IL1RAPL2: variants seen among roughly 807,000 people sequenced by gnomAD.
IL1RAPL2 encodes the protein X-linked interleukin-1 receptor accessory protein-like 2.
Under a neutral mutation model 44.1 loss-of-function variants are expected in IL1RAPL2, and 3 were observed. The ratio of observed to expected loss-of-function variants is 0.07; its 90% CI spans 0.03 to 0.18. The LOEUF is 0.18. Ranked by LOEUF, IL1RAPL2 falls within the 10% of genes least tolerant of loss-of-function variation. IL1RAPL2 has a pLI of 1.00. For missense variants in IL1RAPL2, 391 were observed against 496.4 expected (o/e 0.79, Z 2.02); for synonymous variants, 181 against 178.8 (o/e 1.01, Z -0.10).
At chrX:105,589,585 C>A (rs1251547662) in intron 6 of IL1RAPL2, among the ~76,000 whole-genome samples, 1 of 111,227 alleles carries the variant, frequency 9.0e-6, no homozygotes, top group South Asian at 3.7e-4. Flanking sequence ...CAGTTTCAAT[C>A]TTTTCTATAT....
intron 2 of IL1RAPL2, among the ~76,000 whole-genome samples, chrX:104,793,584 G>A (rs979457972): frequency 9.0e-6 from 1 of 111,696 alleles, no homozygotes; most frequent in African/African-American, 3.3e-5. Flanking sequence ...TTGCTATTTA[G>A]GTTCTCTGAC....
At chrX:105,087,055 C>T (rs1373636020) in intron 2 of IL1RAPL2, among the ~76,000 whole-genome samples, 2 of 110,956 alleles carry the variant, frequency 1.8e-5, no homozygotes, top group Non-Finnish European at 3.8e-5. Flanking sequence ...AGACAGAAGG[C>T]ATTAGAGTGT....
At chrX:105,623,946 A>T (rs1444120682) in intron 6 of IL1RAPL2, among the ~76,000 whole-genome samples, 1 of 111,730 alleles carries the variant, frequency 9.0e-6, no homozygotes, top group Non-Finnish European at 1.9e-5. Flanking sequence ...AAACAATAGC[A>T]CAGGGAAGTT....
At chrX:104,692,485 A>T (rs964108814) in intron 2 of IL1RAPL2, among the ~76,000 whole-genome samples, 3 of 109,332 alleles carry the variant, frequency 2.7e-5, no homozygotes, top group African/African-American at 1.0e-4. Context: ...ATATCTCCTA[A>T]TGCTATCCCT....
chrX:104,798,853 T>C (rs1407498924), intron 2 of IL1RAPL2, among the ~76,000 whole-genome samples: 1 of 111,031 alleles, frequency 9.0e-6, no homozygotes, highest in Non-Finnish European at 1.9e-5. Context: ...TATCCATTCC[T>C]TTTTCATTGC....
At chrX:105,414,799 A>T (rs1325496433) in intron 5 of IL1RAPL2, among the ~76,000 whole-genome samples, 1 of 112,369 alleles carries the variant, frequency 8.9e-6, no homozygotes, top group Non-Finnish European at 1.9e-5. Flanking sequence ...CACAACATGT[A>T]ATGATAAAGT....
At position 105,443,793 on chromosome X, in the gene IL1RAPL2, G is replaced by T. The variant is rs1001437203; in HGVS notation, c.698-40520G>T. On this transcript the variant is annotated intron_variant, in intron 5 of 10. Coordinates refer to ENST00000372582, the MANE Select transcript of IL1RAPL2 (RefSeq NM_017416.2). ...AATCTTGGCAATTGTAAACAGTGCT[G>T]CACAAGCATAGGAGTGTAGATGTCT... 1.6e-4 allele frequency among the ~76,000 whole-genome samples: 18 copies of T among 112,319 alleles called. No homozygotes were observed. The Admixed American group carries it at 1.7e-3, about 11-fold the overall frequency.
chrX:105,074,181 C>A, intron 2 of IL1RAPL2, among the ~76,000 whole-genome samples: 1 of 111,986 alleles, frequency 8.9e-6, no homozygotes, highest in Non-Finnish European at 1.9e-5. Flanking sequence ...TTAGGTCTAA[C>A]ATTTAAGTCT....
intron 2 of IL1RAPL2, among the ~76,000 whole-genome samples, chrX:104,780,896 G>A (rs1464741295): frequency 9.0e-6 from 1 of 111,241 alleles, no homozygotes; most frequent in African/African-American, 3.3e-5. Flanking sequence ...AGCCTATTTG[G>A]TATGAACAGA....
intron 5 of IL1RAPL2, among the ~76,000 whole-genome samples, chrX:105,280,520 AATCT>A (rs1308115831): frequency 1.7e-4 from 19 of 111,880 alleles, no homozygotes; most frequent in Non-Finnish European, 5.6e-5. Flanking sequence ...AAATTTTTGC[AATCT>A]ATCCATCTGA....
At chrX:105,557,827 A>T (rs1274101411) in intron 6 of IL1RAPL2, among the ~76,000 whole-genome samples, 1 of 111,793 alleles carries the variant, frequency 8.9e-6, no homozygotes, top group African/African-American at 3.2e-5. Context: ...AAAATGTGTT[A>T]TGTTTTCATA....
At chrX:105,438,964 C>G (rs2035900486) in intron 5 of IL1RAPL2, among the ~76,000 whole-genome samples, 1 of 110,507 alleles carries the variant, frequency 9.0e-6, no homozygotes, top group African/African-American at 3.3e-5. Flanking sequence ...TTCCCCCACG[C>G]TGTTTTAGTG....
intron 6 of IL1RAPL2, among the ~76,000 whole-genome samples, chrX:105,699,207 C>G (rs1318898694): frequency 2.7e-5 from 3 of 110,810 alleles, no homozygotes; most frequent in Non-Finnish European, 5.7e-5. Context: ...AAGACAATCC[C>G]CCTTGACTTG....
intron 2 of IL1RAPL2, among the ~76,000 whole-genome samples, chrX:105,145,993 G>GCTT (rs1776168641): frequency 9.0e-6 from 1 of 111,168 alleles, no homozygotes; most frequent in Non-Finnish European, 1.9e-5. Context: ...GCCTCAGGGA[G>GCTT]CTTCTTTGTC....
intron 1 of IL1RAPL2, among the ~76,000 whole-genome samples, chrX:104,569,437 T>C (rs17332120): frequency 0.1 from 11,458 of 111,457 alleles, 555 homozygotes; most frequent in Non-Finnish European, 0.15. Flanking sequence ...TGTAGAACAT[T>C]CTTGTTTGCC....
intron 6 of IL1RAPL2, among the ~76,000 whole-genome samples, chrX:105,545,406 C>T (rs2036785797): frequency 8.9e-6 from 1 of 112,194 alleles, no homozygotes; most frequent in Non-Finnish European, 1.9e-5. Flanking sequence ...TTAACAAGAG[C>T]AACATCTGGT....
At chrX:105,477,504 A>G (rs193214137) in intron 5 of IL1RAPL2, among the ~76,000 whole-genome samples, 2 of 111,815 alleles carry the variant, frequency 1.8e-5, no homozygotes, top group African/African-American at 6.5e-5. Flanking sequence ...AGCTCTTATG[A>G]TGTGTTCAGA....
chrX:105,035,761 C>T (rs1156324413), intron 2 of IL1RAPL2, among the ~76,000 whole-genome samples: 1 of 112,355 alleles, frequency 8.9e-6, no homozygotes, highest in Middle Eastern at 4.2e-3. Context: ...ACTCCAATTA[C>T]ATTTAAAGCA....
intron 2 of IL1RAPL2, among the ~76,000 whole-genome samples, chrX:105,013,657 A>G (rs1213389232): frequency 9.0e-6 from 1 of 110,606 alleles, no homozygotes; most frequent in African/African-American, 3.3e-5. Flanking sequence ...CTCCTTCTCT[A>G]TGAAGAAATC....
Sources: gnomAD v4.1 joint callset for allele counts (sites outside exome capture counted in the v4.1 genomes callset) on GRCh38, gnomAD v4.1.1 for gene constraint, MANE v1.5 for transcripts, NCBI Gene and HGNC (gene_info 2026-07-23, HGNC 2026-07-21) for gene names.